KLHL29: variants seen among roughly 807,000 people sequenced by gnomAD.
The protein encoded by KLHL29 is kelch like family member 29.
Under a neutral mutation model 80.4 loss-of-function variants are expected in KLHL29, and 21 were observed. The ratio of observed to expected loss-of-function variants is 0.26; its 90% confidence interval spans 0.19 to 0.38. The LOEUF (loss-of-function observed/expected upper bound fraction) is 0.38, where lower values mean the gene tolerates loss of function less well. Among genes scored for constraint, KLHL29 ranks in the 10% least tolerant of loss-of-function variants. KLHL29 has a pLI of 1.00. For missense variants in KLHL29, 867 were observed against 1,223.9 expected, an observed-to-expected ratio of 0.71 and a Z score of 4.35; for synonymous variants, 511 against 526.8, an observed-to-expected ratio of 0.97 and a Z score of 0.41.
intron 1 of KLHL29, among the ~76,000 whole-genome samples, chr2:23,394,700 T>C (rs930325603): frequency 1.1e-4 from 16 of 152,266 alleles, no homozygotes; most frequent in African/African-American, 3.9e-4. Context: ...ACATAGTAAG[T>C]TGAGGTCCAG....
intron 1 of KLHL29, among the ~76,000 whole-genome samples, chr2:23,440,365 C>A (rs1663480026): frequency 6.6e-6 from 1 of 151,492 alleles, no homozygotes; most frequent in African/African-American, 2.4e-5. Flanking sequence ...GACCTAAAAC[C>A]ATAAAAACTC....
intron 1 of KLHL29, among the ~76,000 whole-genome samples, chr2:23,415,873 T>A (rs4665593): frequency 0.035 from 5,396 of 152,148 alleles, 397 homozygotes; most frequent in East Asian, 0.29. Context: ...ATATATTTTT[T>A]AATTTTTTTG....
At chr2:23,531,404 C>T (rs753032095) in intron 2 of KLHL29, among the ~76,000 whole-genome samples, 20 of 152,192 alleles carry the variant, frequency 1.3e-4, no homozygotes, top group Non-Finnish European at 2.1e-4. Context: ...CCATCAGTTC[C>T]ATCCCCCACC....
At chr2:23,546,647 C>G (rs1054435702) in intron 2 of KLHL29, among the ~76,000 whole-genome samples, 1 of 152,074 alleles carries the variant, frequency 6.6e-6, no homozygotes, top group African/African-American at 2.4e-5. Context: ...GAGGCTTCTC[C>G]CCCTCTCCCG....
chr2:23,433,723 A>G (rs1663250873), intron 1 of KLHL29, among the ~76,000 whole-genome samples: 1 of 152,088 alleles, frequency 6.6e-6, no homozygotes, highest in African/African-American at 2.4e-5. Flanking sequence ...AGACTAGCCC[A>G]GGCAACATAA....
At chr2:23,644,157 A>C (rs1669854751) in intron 5 of KLHL29, 1 of 152,264 alleles carries the variant, frequency 6.6e-6, no homozygotes, top group African/African-American at 2.4e-5. Context: ...TTAAATGACA[A>C]AATTGTAGAA....
At chr2:23,507,089 G>A (rs999598103) in intron 2 of KLHL29, 5 of 443,780 alleles carry the variant, frequency 1.1e-5, no homozygotes, top group African/African-American at 4.0e-5. Flanking sequence ...GAAGGCAGCC[G>A]CATTTCCTCA....
At chr2:23,660,462 C>G (rs1558428389) in intron 5 of KLHL29, among the ~76,000 whole-genome samples, 1 of 152,248 alleles carries the variant, frequency 6.6e-6, no homozygotes. Flanking sequence ...ACCAGAGCTT[C>G]CACATGAGGA....
intron 3 of KLHL29, among the ~76,000 whole-genome samples, chr2:23,604,153 ATTTTTTTT>A (rs1668645034): frequency 6.6e-6 from 1 of 151,280 alleles, no homozygotes. Flanking sequence ...TATTTTTTTT[ATTTTTTTT>A]ATTTTTTTGA....
chr2:23,560,792 A>G (rs1667427868), intron 2 of KLHL29, among the ~76,000 whole-genome samples: 2 of 152,216 alleles, frequency 1.3e-5, no homozygotes, highest in East Asian at 3.9e-4. Context: ...CAAGTAGAAC[A>G]TGGGTAGGAG....
At chr2:23,613,088 G>A (rs1449546831) in intron 3 of KLHL29, among the ~76,000 whole-genome samples, 1 of 152,138 alleles carries the variant, frequency 6.6e-6, no homozygotes, top group East Asian at 1.9e-4. Context: ...GATGAGGGAT[G>A]TAATATCTAT....
intron 1 of KLHL29, among the ~76,000 whole-genome samples, chr2:23,390,008 C>A (rs1037253138): frequency 3.5e-4 from 53 of 152,252 alleles, no homozygotes; most frequent in Non-Finnish European, 1.6e-4. Context: ...CACCTTAGAT[C>A]AAAAATGCTG....
At chr2:23,577,232 C>T (rs1667865234) in intron 3 of KLHL29, among the ~76,000 whole-genome samples, 1 of 152,172 alleles carries the variant, frequency 6.6e-6, no homozygotes, top group Non-Finnish European at 1.5e-5. Flanking sequence ...GGCGGATCAC[C>T]TGAGGTCAGG....
intron 1 of KLHL29, among the ~76,000 whole-genome samples, chr2:23,440,578 A>C (rs1420713827): frequency 6.6e-6 from 1 of 152,196 alleles, no homozygotes; most frequent in East Asian, 1.9e-4. Flanking sequence ...CAACCTACTC[A>C]TCTGACAAAG....
intron 5 of KLHL29, among the ~76,000 whole-genome samples, chr2:23,673,923 G>A (rs1670852406): frequency 6.6e-6 from 1 of 152,140 alleles, no homozygotes; most frequent in Non-Finnish European, 1.5e-5. Context: ...TCACAACCAT[G>A]TGTGCACACA....
At chr2:23,614,979 C>A (rs550692892) in intron 3 of KLHL29, among the ~76,000 whole-genome samples, 270 of 152,346 alleles carry the variant, frequency 1.8e-3, no homozygotes, top group Admixed American at 4.2e-3. Flanking sequence ...TCCAGCAAAA[C>A]AAGACTCCTC....
chr2:23,579,249 C>A (rs937732364), intron 3 of KLHL29, among the ~76,000 whole-genome samples: 1 of 152,232 alleles, frequency 6.6e-6, no homozygotes, highest in Non-Finnish European at 1.5e-5. Context: ...AGCCTGAGAA[C>A]TTGCTCAATG....
intron 3 of KLHL29, among the ~76,000 whole-genome samples, chr2:23,593,388 G>A (rs1668316663): frequency 6.6e-6 from 1 of 152,184 alleles, no homozygotes; most frequent in South Asian, 2.1e-4. Flanking sequence ...TCATACAAGA[G>A]GGGTGAAAAC....
intron 2 of KLHL29, among the ~76,000 whole-genome samples, chr2:23,485,303 T>G (rs1378198752): frequency 6.6e-6 from 1 of 152,218 alleles, no homozygotes; most frequent in East Asian, 1.9e-4. Flanking sequence ...TCACAAAGCC[T>G]GGCACAAAGA....
Sources: gnomAD v4.1 joint callset for allele counts (sites outside exome capture counted in the v4.1 genomes callset) on GRCh38, gnomAD v4.1.1 for gene constraint, MANE v1.5 for transcripts, NCBI Gene and HGNC (gene_info 2026-07-23, HGNC 2026-07-21) for gene names.